SORCS2: variants seen among roughly 807,000 people sequenced by gnomAD.
SORCS2 encodes the protein VPS10 domain-containing receptor SorCS2.
Under a neutral mutation model 141.6 loss-of-function variants are expected in SORCS2, and 100 were observed. The ratio of observed to expected loss-of-function variants is 0.71; its 90% CI spans 0.60 to 0.83. The LOEUF is 0.83. Ranked by LOEUF, SORCS2 falls within the 40% of genes least tolerant of loss-of-function variation. The pLI is 0.00. For missense variants in SORCS2, 1,646 were observed against 1,560.2 expected (o/e 1.05, Z -0.93); for synonymous variants, 789 against 676.9 (o/e 1.17, Z -2.57).
chr4:7,558,307 G>A (rs1048109619), intron 3 of SORCS2, among the ~76,000 whole-genome samples: 2 of 152,146 alleles, frequency 1.3e-5, no homozygotes, highest in East Asian at 1.9e-4. Context: ...CCTATGCATC[G>A]TAGGGTGGCC....
At chr4:7,660,201 T>C (rs1041427164) in intron 5 of SORCS2, among the ~76,000 whole-genome samples, 3 of 152,132 alleles carry the variant, frequency 2.0e-5, no homozygotes, top group Non-Finnish European at 4.4e-5. Context: ...TTCCTCCCTC[T>C]CCTCCTGCCC....
intron 3 of SORCS2, among the ~76,000 whole-genome samples, chr4:7,566,222 A>C (rs1206146575): frequency 6.7e-6 from 1 of 149,164 alleles, no homozygotes; most frequent in African/African-American, 2.5e-5. Context: ...ATGATGACAG[A>C]GATGATGATA....
At chr4:7,477,094 C>G (rs1730343671) in intron 2 of SORCS2, among the ~76,000 whole-genome samples, 1 of 152,246 alleles carries the variant, frequency 6.6e-6, no homozygotes, top group African/African-American at 2.4e-5. Flanking sequence ...GGAGGAGAAA[C>G]AGCCCACAGG....
chr4:7,715,082 A>G, intron 16 of SORCS2, 101 bp from the exon 17 acceptor site: 1 of 1,518,996 alleles, frequency 6.6e-7, no homozygotes, highest in South Asian at 1.2e-5. Context: ...GGCCCTTGAC[A>G]TGAGGTTCCC....
intron 1 of SORCS2, among the ~76,000 whole-genome samples, chr4:7,252,580 A>T (rs1294032191): frequency 1.3e-5 from 2 of 152,160 alleles, no homozygotes; most frequent in Non-Finnish European, 2.9e-5. Flanking sequence ...TACTTCCCCA[A>T]ATGTCTTTGC....
chr4:7,728,807 A>T (rs1727402704), intron 22 of SORCS2, among the ~76,000 whole-genome samples: 1 of 152,206 alleles, frequency 6.6e-6, no homozygotes, highest in Non-Finnish European at 1.5e-5. Context: ...TCATTCACTG[A>T]ACTTCTCTTC....
chr4:7,612,697 A>C (rs1718491892), intron 3 of SORCS2, among the ~76,000 whole-genome samples: 1 of 152,234 alleles, frequency 6.6e-6, no homozygotes, highest in Admixed American at 6.5e-5. Context: ...GAAGGGATCA[A>C]TGTCAATAAC....
rs370112934 is a variant in SORCS2, at chr4:7,664,404, C to T, written c.1004C>T (p.Thr335Ile). The T allele has an allele frequency of 2.3e-5, 37 of 1,613,826 alleles. No individual in the cohort carries two copies. The African/African-American group carries it at 3.7e-4, about 16-fold the overall frequency. Residue 335 changes from threonine (T) to isoleucine (I), a missense_variant, in exon 7 of 27, where the codon ACA (threonine) becomes ATA (isoleucine). Physicochemically the swap from Thr to Ile is moderately conservative, Grantham distance 89 (BLOSUM62 -1). Coordinates refer to ENST00000507866, the MANE Select transcript of SORCS2 (RefSeq NM_020777.3). This position sits in a 1 kb window ranked among gnomAD's most constrained non-coding sequence, Gnocchi z 4.7. ...AIHNCSEKML[T>I]APFAGPIDHG... ...CACAATTGCTCCGAGAAGATGCTGA[C>T]AGCCCCATTCGCAGGCCCCATTGAC...
intron 1 of SORCS2, among the ~76,000 whole-genome samples, chr4:7,394,997 C>T (rs943730774): frequency 1.2e-4 from 18 of 152,242 alleles, no homozygotes; most frequent in Admixed American, 1.0e-3. Context: ...CACACCCTGT[C>T]AGCTCCCCAC....
intron 2 of SORCS2, among the ~76,000 whole-genome samples, chr4:7,436,432 G>A (rs1397662057): frequency 1.3e-5 from 2 of 152,248 alleles, no homozygotes; most frequent in African/African-American, 2.4e-5. Flanking sequence ...TGGCGTGAAC[G>A]CAGCTGTGTG....
At chr4:7,359,759 G>T (rs887669796) in intron 1 of SORCS2, among the ~76,000 whole-genome samples, 10 of 152,172 alleles carry the variant, frequency 6.6e-5, no homozygotes, top group Non-Finnish European at 1.2e-4. Flanking sequence ...TTAAAATCAG[G>T]TCAACAGGAT....
At chr4:7,438,767 C>T (rs1727465708) in intron 2 of SORCS2, among the ~76,000 whole-genome samples, 2 of 152,110 alleles carry the variant, frequency 1.3e-5, no homozygotes, top group East Asian at 1.9e-4. Flanking sequence ...CACACCTGTC[C>T]CACTTGCTTC....
intron 4 of SORCS2, among the ~76,000 whole-genome samples, chr4:7,651,684 A>T (rs1344918578): frequency 2.6e-5 from 4 of 152,176 alleles, no homozygotes; most frequent in African/African-American, 9.7e-5. Flanking sequence ...CCAGTTTGTA[A>T]GAAGCCTGCA....
intron 2 of SORCS2, among the ~76,000 whole-genome samples, chr4:7,479,377 A>T (rs1455899294): frequency 6.6e-6 from 1 of 152,106 alleles, no homozygotes; most frequent in Non-Finnish European, 1.5e-5. Flanking sequence ...CCAAGCTGAG[A>T]CCACGTGCCC....
chr4:7,641,677 G>A (rs1259482856), intron 4 of SORCS2, among the ~76,000 whole-genome samples: 2 of 152,104 alleles, frequency 1.3e-5, no homozygotes, highest in Non-Finnish European at 2.9e-5. Flanking sequence ...ATATTAGTTG[G>A]ATGGACAGAT....
chr4:7,478,320 T>G (rs1399354167), intron 2 of SORCS2, among the ~76,000 whole-genome samples: 1 of 152,072 alleles, frequency 6.6e-6, no homozygotes, highest in Admixed American at 6.5e-5. Flanking sequence ...CCCCATGGTC[T>G]GCGTCACCAG....
intron 5 of SORCS2, among the ~76,000 whole-genome samples, chr4:7,658,156 T>G (rs1337454102): frequency 6.6e-6 from 1 of 152,048 alleles, no homozygotes; most frequent in East Asian, 1.9e-4. Context: ...AGTGAGTGAC[T>G]GAGTGGGTGA....
In SORCS2 at chr4:7,233,970, G is replaced by A. The variant is rs962255925; in HGVS notation, c.480+40844G>A. Reference sequence around the variant, plus strand: ...AGGAGCAAGATGGAAAGGGGGTGGGGGAGGACCGTATCCCCGAGCCTCTCC... The same window carrying A: ...AGGAGCAAGATGGAAAGGGGGTGGGAGAGGACCGTATCCCCGAGCCTCTCC... On this transcript the variant is annotated intron_variant, in intron 1 of 26. Transcript: ENST00000507866. The surrounding 1 kb of genome is among the most constrained non-coding windows in gnomAD (Gnocchi z 4.5). Among the ~76,000 whole-genome samples the A allele has an allele frequency of 6.6e-6, 1 of 152,134 alleles. No individual in the cohort carries two copies. Among genetic ancestry groups the A allele is most frequent in the Non-Finnish European group, 1.5e-5 (1 of 68,020 alleles).
intron 9 of SORCS2, among the ~76,000 whole-genome samples, chr4:7,676,824 T>TCTCTCCCTCTCC (rs1553902880): frequency 4.1e-5 from 2 of 49,078 alleles, no homozygotes; most frequent in Non-Finnish European, 7.8e-5. Flanking sequence ...TCTCTCTCTC[T>TCTCTCCCTCTCC]CTCTCCCTCT....
Sources: allele counts gnomAD v4.1 joint callset (sites outside exome capture counted in the v4.1 genomes callset), GRCh38; gene constraint gnomAD v4.1.1; non-coding constraint Gnocchi (gnomAD v3.1); transcripts MANE v1.5; gene names NCBI Gene and HGNC (gene_info 2026-07-23, HGNC 2026-07-21).